Variants in HPSE2 observed in about 807,000 individuals in gnomAD.
HPSE2 encodes heparanase 2 (inactive), also known as inactive heparanase-2.
A neutral mutation model predicts 60.5 loss-of-function variants in HPSE2; 38 were observed. That is an observed-to-expected ratio of 0.63 (90% CI 0.48 to 0.82). The LOEUF (loss-of-function observed/expected upper bound fraction) is 0.82, where lower values mean the gene tolerates loss of function less well. Ranked by LOEUF, HPSE2 falls within the 40% of genes least tolerant of loss-of-function variation. The pLI, the probability that HPSE2 is intolerant of heterozygous loss-of-function variation, is 0.00. For missense variants in HPSE2, 713 were observed against 740.4 expected (o/e 0.96, Z 0.43); for synonymous variants, 295 against 293.2 (o/e 1.01, Z -0.06).
chr10:98,934,748 A>T lies in HPSE2; in HGVS notation c.611-190692T>A, dbSNP rs962979551. ...TTTGACCTTGGAGAATCTGATGATTATGTGCCTTGGGGCAGATCTTTTTGT... is the reference window on the plus strand; with the variant it reads ...TTTGACCTTGGAGAATCTGATGATTTTGTGCCTTGGGGCAGATCTTTTTGT... On this transcript the variant is annotated intron_variant, in intron 3 of 11. Coordinates refer to ENST00000370552, the MANE Select transcript of HPSE2 (RefSeq NM_021828.5). Among the ~76,000 whole-genome samples the T allele has an allele frequency of 4.2e-5, 6 of 143,470 alleles. 2 individuals are homozygous for T. Among genetic ancestry groups the T allele is most frequent in the African/African-American group, 1.7e-4 (6 of 35,052 alleles). The allele number at this position is 143,470 out of a possible 152,430, so 94.1% of individuals were successfully genotyped here. A position where few individuals can be genotyped will look rare whatever the true frequency, so the allele number is the denominator to read the frequency against.
chr10:98,490,131 A>C lies in HPSE2; in HGVS notation c.1386T>G (p.Ala462=), dbSNP rs1591260692. ...IGPKVLAVHV[A]GLQRKPRPGR... ...CAGGCCGTGGCTTCCGCTGGAGCCC[A>C]GCCACATGCACAGCCAAGACTTTGG... Residue 462 remains alanine, a synonymous_variant, in exon 10 of 12, where the codon GCT becomes GCG. Transcript: ENST00000370552. 6.2e-7 allele frequency: 1 copy of C among 1,614,238 alleles called. No individual in the cohort carries two copies. The highest frequency in any genetic ancestry group is 1.3e-5 in the African/African-American group (1 of 75,054).
At chr10:99,100,742 G>A (rs1057241875) in intron 3 of HPSE2, among the ~76,000 whole-genome samples, 1 of 152,176 alleles carries the variant, frequency 6.6e-6, no homozygotes, top group African/African-American at 2.4e-5. Flanking sequence ...CAGCCAGAGA[G>A]AAAGGTCGGG....
At position 99,171,454 on chromosome 10, in the gene HPSE2, G is replaced by A. The variant is rs1207418608; in HGVS notation, c.449-27055C>T. ...ATGTGGGAAAAAAAAAGACAGAGGTGCATGAAGAGATGGATGTAGCTCTGA... is the reference window on the plus strand; with the variant it reads ...ATGTGGGAAAAAAAAAGACAGAGGTACATGAAGAGATGGATGTAGCTCTGA... On this transcript the variant is annotated intron_variant, in intron 2 of 11. Coordinates refer to ENST00000370552, the MANE Select transcript of HPSE2 (RefSeq NM_021828.5). Among the ~76,000 whole-genome samples, 3 of 152,254 alleles carry A rather than the reference G, an allele frequency of 2.0e-5. No individual in the cohort carries two copies. The East Asian group carries it at 5.8e-4, about 29-fold the overall frequency.
chr10:98,892,512 CA>C (rs1953364301), intron 3 of HPSE2, among the ~76,000 whole-genome samples: 1 of 152,124 alleles, frequency 6.6e-6, no homozygotes, highest in African/African-American at 2.4e-5. Flanking sequence ...CAGAAATGAA[CA>C]AATGTAAACC....
chr10:99,249,679 G>GTGGGCAGAATGATATGATT, the HPSE2 span, among the ~76,000 whole-genome samples: 2 of 152,266 alleles, frequency 1.3e-5, no homozygotes, highest in Non-Finnish European at 2.9e-5. Flanking sequence ...GGGAGGGATT[G>GTGGGCAGAATGATATGATT]TGGGCAGAAT....
chr10:98,920,592 G>C (rs1954254800), intron 3 of HPSE2, among the ~76,000 whole-genome samples: 1 of 152,002 alleles, frequency 6.6e-6, no homozygotes, highest in Non-Finnish European at 1.5e-5. Context: ...GTGTTTAACA[G>C]CCCTCACTGT....
At chr10:99,081,475 A>G (rs995712069) in intron 3 of HPSE2, among the ~76,000 whole-genome samples, 4 of 152,098 alleles carry the variant, frequency 2.6e-5, no homozygotes, top group African/African-American at 9.7e-5. Flanking sequence ...AGGATGTGCT[A>G]AAGATTAAAA....
intron 3 of HPSE2, among the ~76,000 whole-genome samples, chr10:98,974,495 T>C (rs1434398605): frequency 1.3e-5 from 2 of 152,080 alleles, no homozygotes; most frequent in Non-Finnish European, 2.9e-5. Flanking sequence ...CTTGAACTCC[T>C]GACCTCGTGA....
chr10:99,031,594 G>A (rs1040859349), intron 3 of HPSE2, among the ~76,000 whole-genome samples: 10 of 152,132 alleles, frequency 6.6e-5, no homozygotes, highest in Admixed American at 2.6e-4. Flanking sequence ...TTTTTAAAAT[G>A]CTTGAACTTT....
At chr10:99,240,053 G>C (rs1289232198), upstream of HPSE2, among the ~76,000 whole-genome samples, 1 of 151,956 alleles carries the variant, frequency 6.6e-6, no homozygotes, top group East Asian at 2.0e-4. Flanking sequence ...GCTGGGCATG[G>C]TGGTGGGTGC....
In HPSE2 at chr10:98,915,577, T is replaced by C. The variant is rs552765552; in HGVS notation, c.611-171521A>G. 1.9e-4 allele frequency among the ~76,000 whole-genome samples: 29 copies of C among 152,332 alleles called. No homozygotes were observed. In the South Asian group the frequency reaches 2.1e-3, roughly 11 times the overall value. ...GAACACCATCATCTATTCTGAAAGA[T>C]AGAATCATCAAAACTCTGTACTCAC... On this transcript the variant is annotated intron_variant, in intron 3 of 11. Coordinates refer to ENST00000370552, the MANE Select transcript of HPSE2 (RefSeq NM_021828.5).
intron 3 of HPSE2, among the ~76,000 whole-genome samples, chr10:98,910,661 C>T (rs1423703783): frequency 1.3e-5 from 2 of 152,186 alleles, no homozygotes; most frequent in Non-Finnish European, 2.9e-5. Flanking sequence ...AGTAATCTCT[C>T]AGTGTCAACG....
chr10:98,670,664 C>G (rs1375114199), intron 6 of HPSE2, among the ~76,000 whole-genome samples: 11 of 152,242 alleles, frequency 7.2e-5, no homozygotes, highest in Non-Finnish European at 1.3e-4. Flanking sequence ...GGCCTAAACC[C>G]AGTAGTTAAA....
chr10:98,904,667 T>C (rs952172494), intron 3 of HPSE2, among the ~76,000 whole-genome samples: 6 of 152,180 alleles, frequency 3.9e-5, no homozygotes, highest in Admixed American at 3.3e-4. Flanking sequence ...TGTTTGCTTG[T>C]CTGTAGAATG....
intron 3 of HPSE2, among the ~76,000 whole-genome samples, chr10:98,898,295 T>A (rs1953555404): frequency 6.6e-6 from 1 of 152,168 alleles, no homozygotes; most frequent in Non-Finnish European, 1.5e-5. Context: ...TACAGCATCT[T>A]TATTTATAAT....
intron 11 of HPSE2, among the ~76,000 whole-genome samples, chr10:98,478,398 C>T (rs1941106420): frequency 6.6e-6 from 1 of 151,940 alleles, no homozygotes; most frequent in African/African-American, 2.4e-5. Context: ...GAAGAGGAAA[C>T]AGGGGGAATG....
At chr10:98,874,648 T>A (rs1312276685) in intron 3 of HPSE2, among the ~76,000 whole-genome samples, 5 of 152,070 alleles carry the variant, frequency 3.3e-5, no homozygotes, top group Non-Finnish European at 7.4e-5. Flanking sequence ...CAATACTATG[T>A]CGAATAGGAA....
At chr10:98,803,639 C>T (rs1472475183) in intron 3 of HPSE2, among the ~76,000 whole-genome samples, 8,265 of 149,262 alleles carry the variant, frequency 0.055, 812 homozygotes, top group African/African-American at 0.19. Flanking sequence ...TGTAGATATG[C>T]GGCATTATTT....
chr10:98,558,521 T>C (rs1270666121), intron 9 of HPSE2, among the ~76,000 whole-genome samples: 1 of 152,206 alleles, frequency 6.6e-6, no homozygotes, highest in African/African-American at 2.4e-5. Context: ...AAAAATACTC[T>C]ATGATTCCAT....
Sources: gnomAD v4.1 joint callset for allele counts (sites outside exome capture counted in the v4.1 genomes callset) on GRCh38, gnomAD v4.1.1 for gene constraint, MANE v1.5 for transcripts, NCBI Gene and HGNC (gene_info 2026-07-23, HGNC 2026-07-21) for gene names.